PIP5K1B: variants seen among roughly 807,000 people sequenced by gnomAD.
PIP5K1B encodes phosphatidylinositol-4-phosphate 5-kinase type 1 beta, also known as phosphatidylinositol 4-phosphate 5-kinase type-1 beta.
PIP5K1B carries 42 observed loss-of-function variants against 67.0 expected under a neutral mutation model. The observed-to-expected ratio is 0.63, with a 90% CI of 0.49 to 0.81. The LOEUF is 0.81. PIP5K1B is among the 30% of genes least tolerant of loss of function. PIP5K1B has a pLI of 0.00. For missense variants in PIP5K1B, 459 were observed against 646.3 expected, an observed-to-expected ratio of 0.71 and a Z score of 3.14; for synonymous variants, 214 against 231.4, an observed-to-expected ratio of 0.92 and a Z score of 0.68.
chr9:68,759,647 G>T (rs2132383975), intron 2 of PIP5K1B, among the ~76,000 whole-genome samples: 1 of 152,064 alleles, frequency 6.6e-6, no homozygotes, highest in Non-Finnish European at 1.5e-5. Flanking sequence ...AAAACAGATT[G>T]TCAGAATGGA....
At chr9:68,956,045 C>G (rs185192596) in intron 14 of PIP5K1B, among the ~76,000 whole-genome samples, 1 of 152,154 alleles carries the variant, frequency 6.6e-6, no homozygotes, top group East Asian at 1.9e-4. Context: ...CATTGTGTAC[C>G]CAAACCTAAG....
At chr9:68,717,506 G>T (rs1827691259) in intron 1 of PIP5K1B, among the ~76,000 whole-genome samples, 1 of 152,176 alleles carries the variant, frequency 6.6e-6, no homozygotes, top group African/African-American at 2.4e-5. Flanking sequence ...AGTTCTGGAG[G>T]CTAAGAGTCC....
chr9:68,714,066 C>T (rs1429926997), intron 1 of PIP5K1B, among the ~76,000 whole-genome samples: 1 of 152,170 alleles, frequency 6.6e-6, no homozygotes, highest in African/African-American at 2.4e-5. Flanking sequence ...CCTCAAAGTA[C>T]AGTTTTGAAA....
chr9:68,712,724 T>G (rs1321247717), intron 1 of PIP5K1B, among the ~76,000 whole-genome samples: 1 of 152,230 alleles, frequency 6.6e-6, no homozygotes, highest in Non-Finnish European at 1.5e-5. Flanking sequence ...GAAAACCACT[T>G]GTTTAGATGA....
At chr9:68,898,604 A>G (rs1275493948) in intron 8 of PIP5K1B, among the ~76,000 whole-genome samples, 2 of 152,116 alleles carry the variant, frequency 1.3e-5, no homozygotes, top group African/African-American at 4.8e-5. Flanking sequence ...GTACCCCTTC[A>G]TCTTCCGCCA....
At chr9:68,748,901 C>T (rs1039610727) in intron 2 of PIP5K1B, among the ~76,000 whole-genome samples, 40 of 152,104 alleles carry the variant, frequency 2.6e-4, no homozygotes, top group Admixed American at 2.4e-3. Context: ...CGTGACCCAC[C>T]GCACTCGGCC....
At position 68,979,428 on chromosome 9, in the gene PIP5K1B, T is replaced by C. The variant is rs990606034; in HGVS notation, c.1503-11712T>C. Among the ~76,000 whole-genome samples, 40 of 152,198 alleles carry C rather than the reference T, an allele frequency of 2.6e-4. 1 individual carries two copies. Among genetic ancestry groups the C allele is most frequent in the Admixed American group, 1.3e-4 (2 of 15,276 alleles). ...GTGCTTGTGTGTGTACATGTTGGGG[T>C]ATGATATTGGAAAGAAAAACAAATC... On this transcript the variant is annotated intron_variant, in intron 14 of 15. Transcript: ENST00000265382.
chr9:68,884,735 A>G (rs1824380052), intron 6 of PIP5K1B, among the ~76,000 whole-genome samples: 1 of 152,126 alleles, frequency 6.6e-6, no homozygotes, highest in Non-Finnish European at 1.5e-5. Context: ...ATTCTTAATC[A>G]TGAGAGAAAA....
intron 6 of PIP5K1B, among the ~76,000 whole-genome samples, chr9:68,887,008 T>C (rs1824511432): frequency 6.6e-6 from 1 of 152,202 alleles, no homozygotes; most frequent in African/African-American, 2.4e-5. Flanking sequence ...TCCCTCTGCC[T>C]GAAGTGCCCG....
At chr9:68,963,493 ACTC>A (rs1828858348) in intron 14 of PIP5K1B, among the ~76,000 whole-genome samples, 1 of 122,756 alleles carries the variant, frequency 8.1e-6, no homozygotes, top group South Asian at 3.2e-4. Flanking sequence ...ACAGAGCAAG[ACTC>A]TGTCTCAGAA....
At chr9:68,967,207 C>A (rs1470634944) in intron 14 of PIP5K1B, among the ~76,000 whole-genome samples, 1 of 152,192 alleles carries the variant, frequency 6.6e-6, no homozygotes, top group Non-Finnish European at 1.5e-5. Context: ...TACTTCCCCA[C>A]ATATTGTAGC....
chr9:69,001,761 G>C (rs1181776663), intron 15 of PIP5K1B, among the ~76,000 whole-genome samples: 1 of 152,056 alleles, frequency 6.6e-6, no homozygotes, highest in African/African-American at 2.4e-5. Context: ...TTTGACATGA[G>C]ATTTGGGTAG....
In PIP5K1B at chr9:68,945,264, G is replaced by T. The variant is rs969994561; in HGVS notation, c.1502+4474G>T. Among the ~76,000 whole-genome samples, 443 of 152,104 alleles carry T rather than the reference G, an allele frequency of 2.9e-3. 1 individual carries two copies. The highest frequency in any genetic ancestry group is 0.01 in the African/African-American group (422 of 41,500). On this transcript the variant is annotated intron_variant, in intron 14 of 15. Coordinates refer to ENST00000265382, the MANE Select transcript of PIP5K1B (RefSeq NM_003558.4). Reference sequence around the variant, plus strand: ...GGGTACAAGTGATTCCCCTGCCACAGCCTCCTGAGTAGCTGGGATTACAGG... The same window carrying T: ...GGGTACAAGTGATTCCCCTGCCACATCCTCCTGAGTAGCTGGGATTACAGG...
At chr9:68,969,284 C>A (rs1356492073) in intron 14 of PIP5K1B, among the ~76,000 whole-genome samples, 1 of 146,132 alleles carries the variant, frequency 6.8e-6, no homozygotes, top group Non-Finnish European at 1.5e-5. Flanking sequence ...AGGAGAATGG[C>A]GTGAACCCAG....
At position 68,886,173 on chromosome 9, in the gene PIP5K1B, C is replaced by T. The variant is rs145366924; in HGVS notation, c.319-2808C>T. ...CAGCCTGGGTGTCAGAGCGAGACTC[C>T]GTCTGAAAAAAAAAAAAGAAAAATT... On this transcript the variant is annotated intron_variant, in intron 6 of 15. Transcript: ENST00000265382. 7.3e-5 allele frequency among the ~76,000 whole-genome samples: 11 copies of T among 151,188 alleles called. No homozygotes were observed. The East Asian group carries it at 1.7e-3, about 24-fold the overall frequency.
chr9:68,767,244 C>T (rs1176069340), intron 2 of PIP5K1B, among the ~76,000 whole-genome samples: 1 of 152,234 alleles, frequency 6.6e-6, no homozygotes, highest in Non-Finnish European at 1.5e-5. Flanking sequence ...TGTATGTGCA[C>T]ACACTGCAGA....
chr9:68,798,042 T>C (rs1466064057), intron 2 of PIP5K1B, among the ~76,000 whole-genome samples: 1 of 152,114 alleles, frequency 6.6e-6, no homozygotes, highest in Non-Finnish European at 1.5e-5. Flanking sequence ...TGAATTTGCA[T>C]CCATGGTGGT....
chr9:68,815,311 A>T (rs1833384880), intron 2 of PIP5K1B, among the ~76,000 whole-genome samples: 1 of 152,028 alleles, frequency 6.6e-6, no homozygotes, highest in Non-Finnish European at 1.5e-5. Context: ...TGCATCTAAG[A>T]AATTTTTTTA....
chr9:68,847,086 A>G (rs1822228944), intron 4 of PIP5K1B, among the ~76,000 whole-genome samples: 1 of 152,130 alleles, frequency 6.6e-6, no homozygotes, highest in Admixed American at 6.6e-5. Context: ...CTCCTGTCTT[A>G]TGAAGTCAGA....
Sources: allele counts gnomAD v4.1 joint callset (sites outside exome capture counted in the v4.1 genomes callset), GRCh38; gene constraint gnomAD v4.1.1; transcripts MANE v1.5; gene names NCBI Gene and HGNC (gene_info 2026-07-23, HGNC 2026-07-21).